Variants in RAI14 observed in about 807,000 individuals in gnomAD.
RAI14 encodes retinoic acid induced 14, also known as ankycorbin.
Under a neutral mutation model 115.4 loss-of-function variants are expected in RAI14, and 45 were observed. The ratio of observed to expected loss-of-function variants is 0.39; its 90% CI spans 0.31 to 0.50. The LOEUF (loss-of-function observed/expected upper bound fraction) is 0.50. RAI14 is among the 20% of genes least tolerant of loss of function. RAI14 has a pLI of 0.85. For missense variants in RAI14, 939 were observed against 1,131.2 expected (o/e 0.83, Z 2.44); for synonymous variants, 371 against 415.4 (o/e 0.89, Z 1.30).
intron 2 of RAI14, among the ~76,000 whole-genome samples, chr5:34,750,776 T>C (rs1268117005): frequency 2.0e-5 from 3 of 151,368 alleles, no homozygotes; most frequent in Admixed American, 6.6e-5. Context: ...CCCTTCCTGA[T>C]AGGATGCCAC....
intron 1 of RAI14, among the ~76,000 whole-genome samples, chr5:34,677,365 T>C (rs1247780531): frequency 6.6e-6 from 1 of 152,072 alleles, no homozygotes; most frequent in East Asian, 1.9e-4. Context: ...GGTTTTGCCA[T>C]GTTGGCCAGG....
intron 2 of RAI14, among the ~76,000 whole-genome samples, chr5:34,742,712 G>A (rs1164033744): frequency 2.0e-5 from 3 of 152,080 alleles, no homozygotes; most frequent in Admixed American, 6.5e-5. Flanking sequence ...CGCCCAGGTT[G>A]GAGTGCAGTG....
chr5:34,732,439 ATTTTT>A (rs369302342), intron 2 of RAI14, among the ~76,000 whole-genome samples: 17 of 133,894 alleles, frequency 1.3e-4, no homozygotes, highest in African/African-American at 3.3e-4. Context: ...ACCATGCTTG[ATTTTT>A]TTTTTTTTTT....
intron 2 of RAI14, among the ~76,000 whole-genome samples, chr5:34,705,928 T>C (rs1286501980): frequency 6.6e-6 from 1 of 152,258 alleles, no homozygotes; most frequent in Admixed American, 6.5e-5. Context: ...ATTACAGGCA[T>C]GCGCCACCAC....
At chr5:34,771,704 G>A (rs1221138919) in intron 3 of RAI14, among the ~76,000 whole-genome samples, 1 of 152,190 alleles carries the variant, frequency 6.6e-6, no homozygotes, top group South Asian at 2.1e-4. Flanking sequence ...GGTAGGAAAT[G>A]AAACCTCTCT....
At chr5:34,820,560 C>T (rs1028320231) in intron 13 of RAI14, among the ~76,000 whole-genome samples, 1 of 152,064 alleles carries the variant, frequency 6.6e-6, no homozygotes, top group South Asian at 2.1e-4. Context: ...TGCAGTGAGC[C>T]GAGATCGTGC....
chr5:34,778,180 G>C (rs1173864494), intron 3 of RAI14, among the ~76,000 whole-genome samples: 1 of 152,208 alleles, frequency 6.6e-6, no homozygotes, highest in Non-Finnish European at 1.5e-5. Context: ...AAAAATGACA[G>C]TGTGAAGTTT....
At chr5:34,668,756 A>G (rs924727714) in intron 1 of RAI14, among the ~76,000 whole-genome samples, 1 of 152,136 alleles carries the variant, frequency 6.6e-6, no homozygotes, top group Admixed American at 6.6e-5. Context: ...TTACCATCCA[A>G]GATTTTCTTG....
chr5:34,722,802 C>T lies in RAI14; in HGVS notation c.37-34666C>T, dbSNP rs182550979. Among the ~76,000 whole-genome samples, 45 of 146,640 alleles carry T rather than the reference C, an allele frequency of 3.1e-4. No homozygotes were observed. In the East Asian group the frequency reaches 6.5e-3, roughly 21 times the overall value. The stretch of plus-strand genomic sequence containing the variant: ...TGGAGGTTGCAGTGAGCCAAGATTG[C>T]GCCACTTTGGGAATCCCAGCACTTT... On this transcript the variant is annotated intron_variant, in intron 2 of 17. Coordinates refer to ENST00000265109, the MANE Select transcript of RAI14 (RefSeq NM_015577.3).
intron 2 of RAI14, among the ~76,000 whole-genome samples, chr5:34,730,110 C>G (rs955821410): frequency 2.0e-5 from 3 of 152,116 alleles, no homozygotes; most frequent in Non-Finnish European, 4.4e-5. Flanking sequence ...ATCATTGAAG[C>G]AGGATGATGA....
intron 2 of RAI14, among the ~76,000 whole-genome samples, chr5:34,726,526 C>T (rs1257125864): frequency 1.3e-5 from 2 of 152,166 alleles, no homozygotes; most frequent in Non-Finnish European, 2.9e-5. Flanking sequence ...GGTCCCTCCC[C>T]TAACACTGGG....
intron 2 of RAI14, among the ~76,000 whole-genome samples, chr5:34,752,810 C>T (rs1457489365): frequency 6.8e-6 from 1 of 146,914 alleles, no homozygotes; most frequent in Non-Finnish European, 1.5e-5. Context: ...GGTTGTCGCC[C>T]AGGTTGGAGT....
intron 12 of RAI14, among the ~76,000 whole-genome samples, chr5:34,816,918 C>CA (rs1233418147): frequency 2.1e-4 from 31 of 149,448 alleles, no homozygotes; most frequent in Admixed American, 4.7e-4. Context: ...AAAACAACAA[C>CA]AAAAAAAAAC....
intron 1 of RAI14, among the ~76,000 whole-genome samples, chr5:34,670,755 C>T (rs971102951): frequency 3.3e-5 from 5 of 152,148 alleles, no homozygotes; most frequent in African/African-American, 9.7e-5. Context: ...GTAATGTGAA[C>T]GATGTAAAGA....
chr5:34,671,999 C>T (rs1421058507), intron 1 of RAI14, among the ~76,000 whole-genome samples: 1 of 152,218 alleles, frequency 6.6e-6, no homozygotes, highest in East Asian at 1.9e-4. Context: ...CCTTCTTACC[C>T]AGTTAACTAG....
At chr5:34,682,639 A>AT (rs1744473240) in intron 1 of RAI14, among the ~76,000 whole-genome samples, 1 of 152,132 alleles carries the variant, frequency 6.6e-6, no homozygotes, top group Admixed American at 6.5e-5. Flanking sequence ...GCCAGTGATG[A>AT]TTGGTGGCCA....
intron 1 of RAI14, 189 bp downstream of exon 1, chr5:34,656,664 A>G (rs1742285594): frequency 6.6e-6 from 1 of 152,316 alleles, no homozygotes; most frequent in African/African-American, 2.4e-5. Flanking sequence ...GTCTGCGGAG[A>G]GCAGATCTGG....
intron 3 of RAI14, among the ~76,000 whole-genome samples, chr5:34,795,071 G>A (rs183177859): frequency 1.8e-4 from 28 of 152,278 alleles, no homozygotes; most frequent in African/African-American, 6.5e-4. Flanking sequence ...CAGCCATCTT[G>A]GCCTCTGGGC....
chr5:34,743,935 G>A (rs540837990), intron 2 of RAI14, among the ~76,000 whole-genome samples: 4 of 152,332 alleles, frequency 2.6e-5, no homozygotes, highest in Admixed American at 2.6e-4. Flanking sequence ...TCTGTAAAGG[G>A]CATGATCAGG....
Sources: allele counts gnomAD v4.1 joint callset (sites outside exome capture counted in the v4.1 genomes callset), GRCh38; gene constraint gnomAD v4.1.1; transcripts MANE v1.5; gene names NCBI Gene and HGNC (gene_info 2026-07-23, HGNC 2026-07-21).